FSTL5: variants seen among roughly 807,000 people sequenced by gnomAD.
FSTL5 encodes follistatin like 5.
A neutral mutation model predicts 89.1 loss-of-function variants in FSTL5; 62 were observed. That is an observed-to-expected ratio of 0.70 (90% CI 0.57 to 0.86). The LOEUF is 0.86. Ranked by LOEUF, FSTL5 falls within the 40% of genes least tolerant of loss-of-function variation. FSTL5 has a pLI of 0.00. For missense variants in FSTL5, 1,057 were observed against 1,001.6 expected (o/e 1.06, Z -0.75); for synonymous variants, 383 against 346.2 (o/e 1.11, Z -1.18).
intron 6 of FSTL5, among the ~76,000 whole-genome samples, chr4:161,738,422 T>C (rs778117212): frequency 4.6e-5 from 7 of 151,860 alleles, no homozygotes; most frequent in South Asian, 2.1e-4. Context: ...AATGACAAAA[T>C]AAGAAGGTCA....
At position 161,463,826 on chromosome 4, in the gene FSTL5, C is replaced by A. The variant is rs188507763; in HGVS notation, c.1609-4507G>T. ...GTCATCCTTGACTGCCGTCTTCCTC[C>A]CATACTTCACATCCTCAGGAAATGC... On this transcript the variant is annotated intron_variant, in intron 13 of 15. Coordinates refer to ENST00000306100, the MANE Select transcript of FSTL5 (RefSeq NM_020116.5). 6.6e-5 allele frequency among the ~76,000 whole-genome samples: 10 copies of A among 152,258 alleles called. No homozygotes were observed. In the East Asian group the frequency reaches 1.4e-3, roughly 21 times the overall value.
intron 11 of FSTL5, among the ~76,000 whole-genome samples, chr4:161,504,677 A>G (rs549075199): frequency 6.6e-6 from 1 of 152,118 alleles, no homozygotes; most frequent in East Asian, 1.9e-4. Context: ...CAGTCTTACA[A>G]GACAGAAGTA....
intron 12 of FSTL5, among the ~76,000 whole-genome samples, chr4:161,494,187 C>T (rs539318560): frequency 6.6e-6 from 1 of 152,168 alleles, no homozygotes; most frequent in African/African-American, 2.4e-5. Context: ...GAATAAAGCT[C>T]ACATTTTTAT....
intron 7 of FSTL5, among the ~76,000 whole-genome samples, chr4:161,615,187 G>C (rs1401288520): frequency 2.0e-5 from 3 of 151,156 alleles, no homozygotes; most frequent in African/African-American, 4.9e-5. Context: ...CCAGCTACTC[G>C]GGAGGCCAAG....
intron 12 of FSTL5, among the ~76,000 whole-genome samples, chr4:161,483,299 G>A (rs1388754429): frequency 6.6e-6 from 1 of 152,230 alleles, no homozygotes; most frequent in Non-Finnish European, 1.5e-5. Flanking sequence ...AACTAAGGTT[G>A]GTGAAAGGCT....
chr4:161,734,304 A>C (rs1739716469), intron 6 of FSTL5, among the ~76,000 whole-genome samples: 1 of 152,200 alleles, frequency 6.6e-6, no homozygotes, highest in Non-Finnish European at 1.5e-5. Flanking sequence ...AATATTTTCA[A>C]AGGAGTTCTA....
intron 6 of FSTL5, among the ~76,000 whole-genome samples, chr4:161,662,977 A>G (rs2126689229): frequency 6.6e-6 from 1 of 152,286 alleles, no homozygotes; most frequent in South Asian, 2.1e-4. Context: ...GAGAAAAATA[A>G]GGAAGAAGCA....
chr4:161,817,223 C>A (rs1292643907), intron 4 of FSTL5, among the ~76,000 whole-genome samples: 1 of 152,068 alleles, frequency 6.6e-6, no homozygotes, highest in Non-Finnish European at 1.5e-5. Context: ...ATTGTTATAA[C>A]CAAGAGTTCA....
intron 3 of FSTL5, among the ~76,000 whole-genome samples, chr4:161,986,588 G>T (rs1175673188): frequency 2.6e-5 from 4 of 152,114 alleles, no homozygotes; most frequent in African/African-American, 9.7e-5. Flanking sequence ...TATGTATATG[G>T]ATTAAATGCA....
At chr4:161,438,329 A>G (rs1560895219) in intron 15 of FSTL5, among the ~76,000 whole-genome samples, 3 of 150,322 alleles carry the variant, frequency 2.0e-5, no homozygotes, top group Non-Finnish European at 3.0e-5. Flanking sequence ...TCTTCTTACT[A>G]TTTTTTTTTC....
At chr4:162,021,909 G>A (rs1237279233) in intron 3 of FSTL5, among the ~76,000 whole-genome samples, 1 of 151,926 alleles carries the variant, frequency 6.6e-6, no homozygotes, top group Non-Finnish European at 1.5e-5. Context: ...TGGCCAATAT[G>A]GTGAAACCCG....
intron 3 of FSTL5, among the ~76,000 whole-genome samples, chr4:162,018,897 T>C (rs1215388888): frequency 3.3e-5 from 5 of 152,278 alleles, no homozygotes; most frequent in Admixed American, 3.3e-4. Context: ...ATTACAAACT[T>C]TGGAAACAAT....
intron 6 of FSTL5, among the ~76,000 whole-genome samples, chr4:161,710,166 C>T (rs1401276525): frequency 1.3e-5 from 2 of 152,172 alleles, no homozygotes; most frequent in East Asian, 3.9e-4. Context: ...CAGTGCTCCA[C>T]CATGTTGCCC....
At chr4:161,408,630 A>T (rs1731475850) in intron 15 of FSTL5, among the ~76,000 whole-genome samples, 2 of 152,338 alleles carry the variant, frequency 1.3e-5, no homozygotes, top group South Asian at 4.1e-4. Flanking sequence ...AAGAAAGCTC[A>T]TTGAGATCAA....
intron 2 of FSTL5, among the ~76,000 whole-genome samples, chr4:162,081,027 G>A (rs1730071404): frequency 1.3e-5 from 2 of 151,584 alleles, no homozygotes; most frequent in African/African-American, 4.8e-5. Context: ...ATTTCCAAGT[G>A]TGAAATAGAC....
At chr4:161,927,444 G>A (rs1452463059) in intron 3 of FSTL5, among the ~76,000 whole-genome samples, 2 of 151,572 alleles carry the variant, frequency 1.3e-5, no homozygotes, top group Non-Finnish European at 3.0e-5. Context: ...GGGTAGATTT[G>A]TCCAGCCAAA....
intron 12 of FSTL5, among the ~76,000 whole-genome samples, chr4:161,496,217 G>A (rs1730064066): frequency 6.6e-6 from 1 of 152,126 alleles, no homozygotes; most frequent in Non-Finnish European, 1.5e-5. Flanking sequence ...CCTGTCATAT[G>A]TAAGACATTG....
chr4:161,945,849 C>T (rs1734719270), intron 3 of FSTL5, among the ~76,000 whole-genome samples: 1 of 152,044 alleles, frequency 6.6e-6, no homozygotes, highest in African/African-American at 2.4e-5. Context: ...CTTAAATATC[C>T]AAGTTGATCA....
chr4:161,489,724 C>A (rs1306182889), intron 12 of FSTL5, among the ~76,000 whole-genome samples: 9 of 152,018 alleles, frequency 5.9e-5, no homozygotes, highest in African/African-American at 2.4e-5. Context: ...AACTGACCCC[C>A]AACTATTGAT....
Sources: gnomAD v4.1 joint callset for allele counts (sites outside exome capture counted in the v4.1 genomes callset) on GRCh38, gnomAD v4.1.1 for gene constraint, MANE v1.5 for transcripts, NCBI Gene and HGNC (gene_info 2026-07-23, HGNC 2026-07-21) for gene names.